CPEB3: variants seen among roughly 807,000 people sequenced by gnomAD.
CPEB3 encodes the protein cytoplasmic polyadenylation element-binding protein 3.
Under a neutral mutation model 67.2 loss-of-function variants are expected in CPEB3, and 20 were observed. The ratio of observed to expected loss-of-function variants is 0.30; its 90% CI spans 0.21 to 0.43. CPEB3 has a LOEUF of 0.43. CPEB3 is among the 20% of genes least tolerant of loss of function. The pLI is 1.00. For synonymous variants in CPEB3, 376 were observed against 393.1 expected, an observed-to-expected ratio of 0.96 and a Z score of 0.51; for missense variants, 746 against 968.6, an observed-to-expected ratio of 0.77 and a Z score of 3.05.
At chr10:92,143,226 T>C in intron 5 of CPEB3, 108 bp from the exon 6 acceptor site, 1 of 757,314 alleles carries the variant, frequency 1.3e-6, no homozygotes. Context: ...TTTTGAGGGT[T>C]GTTTTCTATA....
intron 6 of CPEB3, among the ~76,000 whole-genome samples, chr10:92,112,084 T>C (rs1304990110): frequency 6.6e-6 from 1 of 151,224 alleles, no homozygotes; most frequent in Admixed American, 6.6e-5. Context: ...GTGGGACATA[T>C]CCATGGTTTA....
chr10:92,215,087 ATC>A (rs1349052211), intron 2 of CPEB3, among the ~76,000 whole-genome samples: 12 of 150,622 alleles, frequency 8.0e-5, no homozygotes, highest in African/African-American at 2.2e-4. Flanking sequence ...ACCTCAAGTG[ATC>A]CACCCACCTT....
chr10:92,136,525 AAG>A (rs1286652087), intron 6 of CPEB3, among the ~76,000 whole-genome samples: 1 of 152,108 alleles, frequency 6.6e-6, no homozygotes, highest in Non-Finnish European at 1.5e-5. Context: ...AAACGGGCAA[AAG>A]AGAGTTTCTA....
At chr10:92,058,380 T>A (rs966228885) in intron 9 of CPEB3, among the ~76,000 whole-genome samples, 1 of 151,972 alleles carries the variant, frequency 6.6e-6, no homozygotes, top group Non-Finnish European at 1.5e-5. Context: ...ACCCTGTCTC[T>A]ACTAAAAAAT....
Position 92,202,668 on chromosome 10 carries a change from A to G in CPEB3, c.1006-10032T>C, listed in dbSNP as rs192091595. On this transcript the variant is annotated intron_variant, in intron 2 of 9. Transcript: ENST00000265997. The stretch of plus-strand genomic sequence containing the variant: ...TTTATATGTAAGGTCCAGAACAGAC[A>G]TATTATCTATAGAAATAGGAAGTAG... Among the ~76,000 whole-genome samples the G allele has an allele frequency of 2.1e-3, 318 of 152,002 alleles. 1 individual carries two copies. The highest frequency in any genetic ancestry group is 7.1e-3 in the African/African-American group (294 of 41,518).
At chr10:92,216,274 A>G (rs1850384327) in intron 2 of CPEB3, 2 of 1,473,420 alleles carry the variant, frequency 1.4e-6, no homozygotes, top group Middle Eastern at 1.8e-4. Flanking sequence ...CATCTCTACT[A>G]AAAACATAAA....
At chr10:92,097,528 A>G (rs527923085) in intron 7 of CPEB3, among the ~76,000 whole-genome samples, 9 of 152,352 alleles carry the variant, frequency 5.9e-5, no homozygotes, top group African/African-American at 2.2e-4. Context: ...TCTGTTTCAT[A>G]TAACTGCTTA....
In CPEB3 at chr10:92,091,810, G is replaced by T; in HGVS notation, c.1687+20C>A. 1.4e-6 allele frequency: 2 copies of T among 1,410,116 alleles called. No homozygotes were observed. Among genetic ancestry groups the T allele is most frequent in the Non-Finnish European group, 2.0e-6 (2 of 1,006,962 alleles). 87.4% of individuals were successfully genotyped at this position (1,410,116 alleles called of 1,614,324 possible). ...TGTTGTTGTTGGTTTTGTTGTTGTG[G>T]TATTACTATTTCCACTCACCAGCTC... On this transcript the variant is annotated intron_variant, in intron 8 of 9. Transcript: ENST00000265997.
chr10:92,139,005 C>T (rs1318935860), intron 6 of CPEB3, among the ~76,000 whole-genome samples: 1 of 152,110 alleles, frequency 6.6e-6, no homozygotes, highest in African/African-American at 2.4e-5. Context: ...TGACCAGGCA[C>T]GGTGGCTCAC....
At chr10:92,203,973 A>G (rs1400848351) in intron 2 of CPEB3, among the ~76,000 whole-genome samples, 1 of 152,140 alleles carries the variant, frequency 6.6e-6, no homozygotes, top group Non-Finnish European at 1.5e-5. Flanking sequence ...ATTATTAACC[A>G]TATTACCCAC....
intron 1 of CPEB3, among the ~76,000 whole-genome samples, chr10:92,260,608 ATTC>A (rs1298669061): frequency 1.3e-5 from 2 of 150,334 alleles, no homozygotes; most frequent in African/African-American, 4.9e-5. Context: ...TGTTTGTTTT[ATTC>A]TTCTTCTTTT....
At chr10:92,086,354 G>C (rs1380381506) in intron 8 of CPEB3, among the ~76,000 whole-genome samples, 1 of 152,238 alleles carries the variant, frequency 6.6e-6, no homozygotes, top group African/African-American at 2.4e-5. Flanking sequence ...GTGCTCATAA[G>C]CTTCTGCTCT....
chr10:92,240,462 G>T, intron 1 of CPEB3, 101 bp from the exon 2 acceptor site: 1 of 1,125,698 alleles, frequency 8.9e-7, no homozygotes, highest in Non-Finnish European at 1.2e-6. Context: ...CATCGCCACC[G>T]CTACTAGCCA....
intron 9 of CPEB3, among the ~76,000 whole-genome samples, chr10:92,066,338 T>C (rs1194487410): frequency 6.6e-6 from 1 of 151,620 alleles, no homozygotes; most frequent in Admixed American, 6.6e-5. Flanking sequence ...GGGAGGCTGA[T>C]GCACTTGAGC....
chr10:92,064,888 T>C (rs1353504318), intron 9 of CPEB3, among the ~76,000 whole-genome samples: 1 of 152,222 alleles, frequency 6.6e-6, no homozygotes, highest in East Asian at 1.9e-4. Context: ...GAATGAATTA[T>C]ATTCATTAAA....
intron 4 of CPEB3, among the ~76,000 whole-genome samples, chr10:92,158,840 C>G (rs1564825906): frequency 6.6e-6 from 1 of 152,190 alleles, no homozygotes; most frequent in Admixed American, 6.5e-5. Flanking sequence ...TTTAATAGAG[C>G]TAGACTGTGG....
chr10:92,053,520 C>T (rs551347296), intron 9 of CPEB3, among the ~76,000 whole-genome samples: 4 of 150,198 alleles, frequency 2.7e-5, no homozygotes, highest in South Asian at 2.1e-4. Flanking sequence ...TGCGCCACCA[C>T]GCTCGGCTAA....
At chr10:92,161,386 C>T (rs1055645843) in intron 4 of CPEB3, among the ~76,000 whole-genome samples, 4 of 151,722 alleles carry the variant, frequency 2.6e-5, no homozygotes, top group Admixed American at 2.0e-4. Flanking sequence ...ATTCTCCTGC[C>T]TCAGCCCCTT....
At chr10:92,096,675 C>T (rs770647595) in intron 7 of CPEB3, among the ~76,000 whole-genome samples, 3 of 152,172 alleles carry the variant, frequency 2.0e-5, no homozygotes, top group East Asian at 1.9e-4. Flanking sequence ...CAGGTGCAGT[C>T]GCTCATTTCT....
Sources: allele counts gnomAD v4.1 joint callset (sites outside exome capture counted in the v4.1 genomes callset), GRCh38; gene constraint gnomAD v4.1.1; transcripts MANE v1.5; gene names NCBI Gene and HGNC (gene_info 2026-07-23, HGNC 2026-07-21).